The following FUT9 variants were observed in gnomAD, a reference collection of about 807,000 sequenced individuals.
The protein encoded by FUT9 is 4-galactosyl-N-acetylglucosaminide 3-alpha-L-fucosyltransferase 9.
A neutral mutation model predicts 29.7 loss-of-function variants in FUT9; 15 were observed. That is an observed-to-expected ratio of 0.51 (90% CI 0.34 to 0.78). The LOEUF (loss-of-function observed/expected upper bound fraction) is 0.78. FUT9 is among the 30% of genes least tolerant of loss of function. The probability of loss-of-function intolerance (pLI) is 0.01; values close to 1 mark genes in which losing one functional copy is unlikely to be tolerated. For synonymous variants in FUT9, 169 were observed against 153.7 expected (o/e 1.10, Z -0.74); for missense variants, 319 against 425.4 (o/e 0.75, Z 2.20).
In FUT9 at chr6:96,209,915, A is replaced by G. The variant is rs1582313317; in HGVS notation, c.*5680A>G. ...TCACCCAAAAAAAGAGCATGCTTTT[A>G]ATACATTTCCAAAATTATCCTGTTT... On this transcript the variant is annotated 3_prime_UTR_variant, in exon 3 of 3. Coordinates refer to ENST00000302103, the MANE Select transcript of FUT9 (RefSeq NM_006581.4). 6.0e-6 allele frequency: 1 copy of G among 166,958 alleles called. No homozygotes were observed. The highest frequency in any genetic ancestry group is 1.9e-4 in the East Asian group (1 of 5,172). The allele number at this position is 166,958 out of a possible 1,614,324, so 10.3% of individuals were successfully genotyped here. A position where few individuals can be genotyped will look rare whatever the true frequency, so the allele number is the denominator to read the frequency against.
chr6:96,119,187 C>G (rs568407552), intron 2 of FUT9, among the ~76,000 whole-genome samples: 4 of 152,338 alleles, frequency 2.6e-5, no homozygotes, highest in African/African-American at 9.6e-5. Flanking sequence ...CACTCACTGA[C>G]TCACCCAGTG....
intron 2 of FUT9, among the ~76,000 whole-genome samples, chr6:96,160,915 AG>A (rs1411550845): frequency 6.6e-6 from 1 of 152,218 alleles, no homozygotes; most frequent in East Asian, 1.9e-4. Flanking sequence ...GGTGACGGAC[AG>A]AAATAATGAA....
intron 1 of FUT9, among the ~76,000 whole-genome samples, chr6:96,024,937 C>T (rs1165411248): frequency 6.6e-6 from 1 of 151,782 alleles, no homozygotes; most frequent in Admixed American, 6.6e-5. Flanking sequence ...CAAAGTCCCA[C>T]TGCAAAAACC....
chr6:96,186,991 C>G (rs1400934002), intron 2 of FUT9, among the ~76,000 whole-genome samples: 1 of 152,116 alleles, frequency 6.6e-6, no homozygotes, highest in Non-Finnish European at 1.5e-5. Flanking sequence ...CCAGGCATCC[C>G]ATGGCCCAAG....
intron 2 of FUT9, among the ~76,000 whole-genome samples, chr6:96,178,673 A>T (rs1384838816): frequency 6.6e-6 from 1 of 152,064 alleles, no homozygotes; most frequent in Non-Finnish European, 1.5e-5. Context: ...ATAATCCATC[A>T]TTTTTAGAAT....
intron 2 of FUT9, among the ~76,000 whole-genome samples, chr6:96,197,615 A>G (rs1773649754): frequency 6.6e-6 from 1 of 152,148 alleles, no homozygotes; most frequent in South Asian, 2.1e-4. Flanking sequence ...CTCATTAGGA[A>G]TGGTTTAATA....
At chr6:96,086,977 T>C (rs1300424448) in intron 1 of FUT9, among the ~76,000 whole-genome samples, 2 of 152,150 alleles carry the variant, frequency 1.3e-5, no homozygotes, top group South Asian at 2.1e-4. Context: ...GTGCCTCCTA[T>C]ATAGTCAGTG....
At chr6:96,155,882 G>A (rs1472041419) in intron 2 of FUT9, among the ~76,000 whole-genome samples, 2 of 152,068 alleles carry the variant, frequency 1.3e-5, no homozygotes, top group Non-Finnish European at 2.9e-5. Flanking sequence ...ATAAATTTCT[G>A]CTGCTTAATC....
intron 2 of FUT9, among the ~76,000 whole-genome samples, chr6:96,146,330 T>C (rs1302383736): frequency 1.3e-5 from 2 of 152,228 alleles, no homozygotes; most frequent in Non-Finnish European, 2.9e-5. Flanking sequence ...CATTTCTATC[T>C]ACTTTATAAT....
At chr6:96,188,928 A>G (rs1400123414) in intron 2 of FUT9, among the ~76,000 whole-genome samples, 1 of 152,036 alleles carries the variant, frequency 6.6e-6, no homozygotes, top group Non-Finnish European at 1.5e-5. Flanking sequence ...AAAAACGCCC[A>G]ATCTTTGCCT....
intron 1 of FUT9, among the ~76,000 whole-genome samples, chr6:96,024,765 C>G (rs1233589535): frequency 6.6e-6 from 1 of 151,786 alleles, no homozygotes; most frequent in East Asian, 1.9e-4. Context: ...TTCTTTGGGT[C>G]TCTTTCTCAA....
intron 2 of FUT9, among the ~76,000 whole-genome samples, chr6:96,148,582 A>C (rs1035291184): frequency 6.6e-6 from 1 of 152,190 alleles, no homozygotes; most frequent in African/African-American, 2.4e-5. Context: ...CAAAACACTT[A>C]AATGTTCCAA....
intron 2 of FUT9, among the ~76,000 whole-genome samples, chr6:96,144,248 C>T (rs992466503): frequency 2.6e-5 from 4 of 151,928 alleles, no homozygotes; most frequent in Admixed American, 6.6e-5. Flanking sequence ...ATTAGTTGAA[C>T]GAATGATGGT....
At chr6:96,147,895 C>A (rs1772602849) in intron 2 of FUT9, among the ~76,000 whole-genome samples, 1 of 150,094 alleles carries the variant, frequency 6.7e-6, no homozygotes. Context: ...GTTAATATTT[C>A]AGAAAAAAAA....
chr6:96,043,496 A>G (rs891733701), intron 1 of FUT9, among the ~76,000 whole-genome samples: 3 of 152,204 alleles, frequency 2.0e-5, no homozygotes, highest in African/African-American at 7.2e-5. Flanking sequence ...TCTTACTGGG[A>G]AAATGCCAAT....
chr6:96,054,562 C>G (rs1342396905), intron 1 of FUT9, among the ~76,000 whole-genome samples: 1 of 152,008 alleles, frequency 6.6e-6, no homozygotes, highest in Non-Finnish European at 1.5e-5. Flanking sequence ...CACACATGAC[C>G]ATTAAAATTA....
chr6:96,133,860 T>C (rs1007905435), intron 2 of FUT9, among the ~76,000 whole-genome samples: 5 of 151,948 alleles, frequency 3.3e-5, no homozygotes, highest in African/African-American at 1.2e-4. Context: ...TATTATTTAT[T>C]TGTAAGGTCT....
intron 2 of FUT9, among the ~76,000 whole-genome samples, chr6:96,195,143 GC>G (rs1212643557): frequency 1.3e-5 from 2 of 152,192 alleles, no homozygotes; most frequent in African/African-American, 4.8e-5. Context: ...GCGGTAGTTG[GC>G]AGCTCTCTTG....
intron 2 of FUT9, among the ~76,000 whole-genome samples, chr6:96,148,741 A>G (rs1463761157): frequency 1.3e-5 from 2 of 151,924 alleles, no homozygotes; most frequent in Non-Finnish European, 2.9e-5. Flanking sequence ...GTGTAGATAC[A>G]TGAACATTTA....
Sources: allele counts gnomAD v4.1 joint callset (sites outside exome capture counted in the v4.1 genomes callset), GRCh38; gene constraint gnomAD v4.1.1; transcripts MANE v1.5; gene names NCBI Gene and HGNC (gene_info 2026-07-23, HGNC 2026-07-21).